Variants in FRMPD4 observed in about 807,000 individuals in gnomAD.
FRMPD4 encodes the protein FERM and PDZ domain-containing protein 4.
A neutral mutation model predicts 94.1 loss-of-function variants in FRMPD4; 22 were observed. The observed-to-expected ratio is 0.23, with a 90% CI of 0.17 to 0.33. FRMPD4 has a LOEUF of 0.33. FRMPD4 is among the 10% of genes least tolerant of loss of function. FRMPD4 has a pLI of 1.00. For missense variants in FRMPD4, 1,111 were observed against 1,339.9 expected (o/e 0.83, Z 2.67); for synonymous variants, 631 against 548.6 (o/e 1.15, Z -2.10).
chrX:12,377,160 C>A (rs1371600440), intron 1 of FRMPD4, among the ~76,000 whole-genome samples: 2 of 112,365 alleles, frequency 1.8e-5, no homozygotes, highest in Non-Finnish European at 3.8e-5. Flanking sequence ...GCACACAGGG[C>A]AACATATATA....
Position 12,380,104 on chromosome X carries a change from A to ATCTT in FRMPD4, c.42-118576_42-118575insTCTT, listed in dbSNP as rs2056299019. Among the ~76,000 whole-genome samples the ATCTT allele has an allele frequency of 5.4e-5, 6 of 111,724 alleles. No homozygotes were observed. The South Asian group carries it at 2.3e-3, about 42-fold the overall frequency. Reference sequence around the variant, plus strand: ...GTAGGAAAAATGATTTTGTTTGATGACACATTCTTCAATTGTTCTGAGCCT... The same window carrying ATCTT: ...GTAGGAAAAATGATTTTGTTTGATGATCTTCACATTCTTCAATTGTTCTGAGCCT... On this transcript the variant is annotated intron_variant, in intron 1 of 16. Transcript: ENST00000675598.
At chrX:12,130,104 G>C (rs922956894) in intron 3 of FRMPD4, among the ~76,000 whole-genome samples, 1 of 56,028 alleles carries the variant, frequency 1.8e-5, no homozygotes, top group Non-Finnish European at 3.3e-5. Flanking sequence ...GCCAGCGGAA[G>C]AGAGAGAGAG....
At position 12,131,304 on chromosome X, in the gene FRMPD4, G is replaced by T. The variant is rs1051692895; in HGVS notation, c.95+253286G>T. Among the ~76,000 whole-genome samples, 3 of 112,048 alleles carry T rather than the reference G, an allele frequency of 2.7e-5. No homozygotes were observed. The East Asian group carries it at 8.3e-4, about 31-fold the overall frequency. On this transcript the variant is annotated intron_variant, in intron 3 of 18. Transcript: ENST00000640291. ...TTCTGATATTGGATTTGTTCCTGTAGAACCTAGTCTTCTTGATTACAGAAT... is the reference window on the plus strand; with the variant it reads ...TTCTGATATTGGATTTGTTCCTGTATAACCTAGTCTTCTTGATTACAGAAT...
At chrX:11,874,660 A>C (rs2053773809) in intron 2 of FRMPD4, among the ~76,000 whole-genome samples, 1 of 111,930 alleles carries the variant, frequency 8.9e-6, no homozygotes, top group Non-Finnish European at 1.9e-5. Flanking sequence ...CAGTGAATAC[A>C]GGTACTTGCA....
intron 1 of FRMPD4, among the ~76,000 whole-genome samples, chrX:12,160,068 G>GGGGTGTGT (rs759761653): frequency 1.4e-4 from 14 of 100,050 alleles, no homozygotes; most frequent in African/African-American, 4.8e-4. Flanking sequence ...GATGTTGAGG[G>GGGGTGTGT]GTGTGTGTGT....
chrX:12,530,000 C>T (rs753314832), intron 2 of FRMPD4, among the ~76,000 whole-genome samples: 84 of 111,149 alleles, frequency 7.6e-4, no homozygotes, highest in Middle Eastern at 4.6e-3. Context: ...ACCTAGTCAT[C>T]TCCCAAAGGC....
chrX:12,477,802 C>G, intron 1 of FRMPD4, among the ~76,000 whole-genome samples: 1 of 112,781 alleles, frequency 8.9e-6, no homozygotes, highest in Middle Eastern at 4.6e-3. Context: ...GAGCTATCTA[C>G]AAAATATTTT....
intron 3 of FRMPD4, among the ~76,000 whole-genome samples, chrX:12,011,099 T>C (rs1331389395): frequency 2.7e-5 from 3 of 112,465 alleles, no homozygotes; most frequent in Non-Finnish European, 5.6e-5. Context: ...AATACTAAGC[T>C]GTAGTTGTTA....
intron 3 of FRMPD4, among the ~76,000 whole-genome samples, chrX:12,008,858 TA>T (rs1010647613): frequency 5.4e-5 from 6 of 112,081 alleles, no homozygotes; most frequent in East Asian, 2.8e-4. Context: ...TGCTTTTTTT[TA>T]AAAAAATGTA....
At chrX:12,312,289 G>T (rs1400829559) in intron 1 of FRMPD4, among the ~76,000 whole-genome samples, 2 of 78,282 alleles carry the variant, frequency 2.6e-5, no homozygotes, top group African/African-American at 5.5e-5. Context: ...GTCTCGCTCT[G>T]TTGCCCAGGC....
intron 1 of FRMPD4, among the ~76,000 whole-genome samples, chrX:12,480,851 A>C (rs757433283): frequency 8.9e-6 from 1 of 112,354 alleles, no homozygotes; most frequent in East Asian, 2.8e-4. Context: ...GCCTAAGAAC[A>C]AACATGAACT....
intron 3 of FRMPD4, among the ~76,000 whole-genome samples, chrX:12,093,066 A>G (rs768563642): frequency 9.0e-6 from 1 of 111,297 alleles, no homozygotes; most frequent in Non-Finnish European, 1.9e-5. Context: ...ATACATGCTT[A>G]ATTGTAGGAG....
At chrX:12,421,682 C>CA (rs2056885092) in intron 1 of FRMPD4, among the ~76,000 whole-genome samples, 1 of 106,859 alleles carries the variant, frequency 9.4e-6, no homozygotes, top group Non-Finnish European at 1.9e-5. Flanking sequence ...ATTGCTTGAG[C>CA]CTCTGGGAGT....
chrX:12,262,764 A>G (rs761254713), intron 1 of FRMPD4, among the ~76,000 whole-genome samples: 3 of 111,848 alleles, frequency 2.7e-5, no homozygotes, highest in Non-Finnish European at 3.8e-5. Flanking sequence ...CCATTTGTGT[A>G]TCTCTAAAAA....
chrX:12,345,293 T>C (rs2055688821), intron 1 of FRMPD4, among the ~76,000 whole-genome samples: 1 of 111,335 alleles, frequency 9.0e-6, no homozygotes, highest in East Asian at 2.8e-4. Flanking sequence ...CCCTTCCTCC[T>C]GTAATGTGTG....
chrX:12,207,914 A>G (rs1273198219), intron 1 of FRMPD4, among the ~76,000 whole-genome samples: 1 of 111,954 alleles, frequency 8.9e-6, no homozygotes, highest in Non-Finnish European at 1.9e-5. Context: ...TTCTAGGAAG[A>G]CAGAGATTGG....
intron 1 of FRMPD4, among the ~76,000 whole-genome samples, chrX:12,188,302 A>G: frequency 8.9e-6 from 1 of 112,150 alleles, no homozygotes; most frequent in East Asian, 2.8e-4. Flanking sequence ...TGGATGGTGT[A>G]TTTTCCCTCT....
At position 12,720,578 on chromosome X, in the gene FRMPD4, G is replaced by C. The variant is rs185957857; in HGVS notation, c.4009G>C (p.Ala1337Pro). The C allele has an allele frequency of 1.2e-5, 14 of 1,201,922 alleles. No individual in the cohort carries two copies. The African/African-American group carries it at 1.8e-4, about 15-fold the overall frequency. The change falls in exon 17 of 17, where the codon GCT (alanine) becomes CCT (proline). Residue 1337 changes from alanine to proline, a missense_variant. By Grantham distance (27) the Ala-to-Pro change is conservative (BLOSUM62 -1). Transcript: ENST00000675598. ...GGAGAGACGAGGAGGCATGCCTTCAGCTTGGTCTCAACATCCTGAAGCTGA... is the reference window on the plus strand; with the variant it reads ...GGAGAGACGAGGAGGCATGCCTTCACCTTGGTCTCAACATCCTGAAGCTGA... Reference protein sequence around the residue: ...GKERRGGMPSAWSQHPEADPI... With the variant: ...GKERRGGMPSPWSQHPEADPI...
intron 1 of FRMPD4, among the ~76,000 whole-genome samples, chrX:12,426,689 T>C (rs1431575921): frequency 9.0e-6 from 1 of 111,143 alleles, no homozygotes; most frequent in Non-Finnish European, 1.9e-5. Flanking sequence ...TAAAGTAACC[T>C]GATCTGCCCT....
Sources: allele counts gnomAD v4.1 joint callset (sites outside exome capture counted in the v4.1 genomes callset), GRCh38; gene constraint gnomAD v4.1.1; transcripts MANE v1.5; gene names NCBI Gene and HGNC (gene_info 2026-07-23, HGNC 2026-07-21).